KLHDC2: variants seen among roughly 807,000 people sequenced by gnomAD.
KLHDC2 encodes the protein kelch domain containing 2, also known as kelch domain-containing protein 2.
KLHDC2 carries 38 observed loss-of-function variants against 62.3 expected under a neutral mutation model. That is an observed-to-expected ratio of 0.61 (90% confidence interval 0.47 to 0.80). KLHDC2 has a LOEUF of 0.80. Among genes scored for constraint, KLHDC2 ranks in the 30% least tolerant of loss-of-function variants. The pLI is 0.00. For missense variants in KLHDC2, 430 were observed against 495.3 expected, an observed-to-expected ratio of 0.87 and a Z score of 1.25; for synonymous variants, 159 against 161.0, an observed-to-expected ratio of 0.99 and a Z score of 0.09.
At chr14:49,777,977 T>A (rs1238735442) in intron 4 of KLHDC2, 23 bp downstream of exon 4, 1 of 1,467,176 alleles carries the variant, frequency 6.8e-7, no homozygotes, top group Non-Finnish European at 9.5e-7. Flanking sequence ...CACTACAGGT[T>A]TGGGTTTTTA....
At chr14:49,780,806 G>A (rs1419090692) in intron 10 of KLHDC2, 31 bp downstream of exon 10, 1 of 1,129,700 alleles carries the variant, frequency 8.9e-7, no homozygotes, top group Admixed American at 1.7e-5. Context: ...TACTGAATAT[G>A]CATAAGACAT....
At chr14:49,778,556 T>TGGGGGGGGGGGGGGG in intron 6 of KLHDC2, 62 bp downstream of exon 6, 1 of 427,090 alleles carries the variant, frequency 2.3e-6, no homozygotes, top group South Asian at 3.4e-5. Context: ...AGGGGTGGGG[T>TGGGGGGGGGGGGGGG]AGGGGAGAGG....
At position 49,779,764 on chromosome 14, in the gene KLHDC2, A is replaced by T; in HGVS notation, c.731A>T (p.Asp244Val). ...GGRYRDARMNDLHYLNLDTWE... is the reference protein window; with the variant it reads ...GGRYRDARMNVLHYLNLDTWE... ...CTTTTTTAGGATGCTAGAATGAATGATCTTCACTATCTTAATCTGGATACA... is the reference window on the plus strand; with the variant it reads ...CTTTTTTAGGATGCTAGAATGAATGTTCTTCACTATCTTAATCTGGATACA... The change falls in exon 8 of 13, where the codon GAT becomes GTT. Residue 244 changes from aspartate to valine, a missense_variant. Physicochemically the swap from Asp to Val is radical, Grantham distance 152. Transcript: ENST00000298307. The T allele has an allele frequency of 6.2e-7, 1 of 1,609,094 alleles. No homozygotes were observed. Among genetic ancestry groups the T allele is most frequent in the South Asian group, 1.1e-5 (1 of 90,962 alleles).
rs1236100408 is a variant in KLHDC2, at chr14:49,782,443, G to C, written c.1030G>C (p.Val344Leu). 6.2e-7 allele frequency: 1 copy of C among 1,611,822 alleles called. No homozygotes were observed. The highest frequency in any genetic ancestry group is 1.1e-5 in the South Asian group (1 of 90,994). Residue 344 changes from valine (V) to leucine (L), a missense_variant, in exon 11 of 13, where the codon GTC (valine) becomes CTC (leucine). Val to Leu is a conservative substitution (Grantham distance 32, BLOSUM62 1). Transcript: ENST00000298307. ...VFGGCANNLLVHHRAAHSNEI... is the reference protein window; with the variant it reads ...VFGGCANNLLLHHRAAHSNEI... ...TGGTGGATGTGCCAACAACTTGCTTGTCCATCACAGAGCTGTAAGTATACT... is the reference window on the plus strand; with the variant it reads ...TGGTGGATGTGCCAACAACTTGCTTCTCCATCACAGAGCTGTAAGTATACT...
chr14:49,782,489 AC>A, intron 11 of KLHDC2, 32 bp downstream of exon 11: 1 of 1,597,732 alleles, frequency 6.3e-7, no homozygotes, highest in East Asian at 2.2e-5. Flanking sequence ...TATTACTGAA[AC>A]TTACTTGCAA....
Position 49,786,370 on chromosome 14 carries a change from T to C in KLHDC2, c.*3417T>C. On this transcript the variant is annotated 3_prime_UTR_variant, in exon 13 of 13. Coordinates refer to ENST00000298307, the MANE Select transcript of KLHDC2 (RefSeq NM_014315.3). Reference sequence around the variant, plus strand: ...ATTTATTTTACAATATGAATAAACTTAGATTTAGGACAGAATGCTTGGTGC... The same window carrying C: ...ATTTATTTTACAATATGAATAAACTCAGATTTAGGACAGAATGCTTGGTGC... The C allele has an allele frequency of 5.0e-6, 1 of 199,962 alleles. No individual in the cohort carries two copies. Among genetic ancestry groups the C allele is most frequent in the Non-Finnish European group, 1.0e-5 (1 of 98,790 alleles). The allele number at this position is 199,962 out of a possible 1,614,324, so 12.4% of individuals were successfully genotyped here.
intron 10 of KLHDC2, among the ~76,000 whole-genome samples, chr14:49,781,014 C>G (rs1458104890): frequency 6.6e-6 from 1 of 152,176 alleles, no homozygotes; most frequent in African/African-American, 2.4e-5. Context: ...ATAAAATTGA[C>G]ACATAGTTAA....
In KLHDC2 at chr14:49,785,436, A is replaced by T. The variant is rs1185415456; in HGVS notation, c.*2483A>T. ...TTTATCTTTTCCTGATATACATACCATCTAAGCTGGAACAGTGGTACTTAA... is the reference window on the plus strand; with the variant it reads ...TTTATCTTTTCCTGATATACATACCTTCTAAGCTGGAACAGTGGTACTTAA... On this transcript the variant is annotated 3_prime_UTR_variant, in exon 13 of 13. Coordinates refer to ENST00000298307, the MANE Select transcript of KLHDC2 (RefSeq NM_014315.3). The T allele has an allele frequency of 2.8e-6, 2 of 703,004 alleles. No homozygotes were observed. The highest frequency in any genetic ancestry group is 5.1e-6 in the Non-Finnish European group (2 of 392,362). The allele number at this position is 703,004 out of a possible 1,614,324, so 43.5% of individuals were successfully genotyped here. A position where few individuals can be genotyped will look rare whatever the true frequency, so the allele number is the denominator to read the frequency against.
At chr14:49,779,348 T>A (rs1206901531) in intron 6 of KLHDC2, among the ~76,000 whole-genome samples, 1 of 152,212 alleles carries the variant, frequency 6.6e-6, no homozygotes, top group Non-Finnish European at 1.5e-5. Flanking sequence ...CAGCCTTTAT[T>A]TTAAAAGAGA....
chr14:49,780,991 T>C (rs1889886133), intron 10 of KLHDC2, among the ~76,000 whole-genome samples: 1 of 152,246 alleles, frequency 6.6e-6, no homozygotes, highest in African/African-American at 2.4e-5. Flanking sequence ...TATTTTTGCT[T>C]CTTCCTTCTG....
At position 49,784,592 on chromosome 14, in the gene KLHDC2, C is replaced by T; in HGVS notation, c.*1639C>T. The T allele has an allele frequency of 1.5e-6, 2 of 1,351,764 alleles. No individual in the cohort carries two copies. Among genetic ancestry groups the T allele is most frequent in the African/African-American group, 1.4e-5 (1 of 69,430 alleles). 83.7% of individuals were successfully genotyped at this position (1,351,764 alleles called of 1,614,324 possible). ...CTTTCATCTTTGAACTTCCAAAAGG[C>T]TATAAAATTGGCTCTTCTCAAATAT... On this transcript the variant is annotated 3_prime_UTR_variant, in exon 13 of 13. Transcript: ENST00000298307.
In KLHDC2 at chr14:49,769,882, C is replaced by T. The variant is rs533720139; in HGVS notation, c.153+1261C>T. On this transcript the variant is annotated intron_variant, in intron 1 of 12. Coordinates refer to ENST00000298307, the MANE Select transcript of KLHDC2 (RefSeq NM_014315.3). ...ACTTGAACCAGGGAGGCGGAGTTTG[C>T]AGTGAGCTGAGACGGCGCCATTGCA... 2.0e-5 allele frequency among the ~76,000 whole-genome samples: 3 copies of T among 146,808 alleles called. No individual in the cohort carries two copies. In the East Asian group the frequency reaches 6.1e-4, roughly 30 times the overall value.
chr14:49,777,790 G>GA (rs770297474), intron 3 of KLHDC2, 49 bp from the exon 4 acceptor site: 13 of 974,656 alleles, frequency 1.3e-5, no homozygotes, highest in Non-Finnish European at 2.0e-5. Flanking sequence ...TGCTAAACTT[G>GA]AATTTCTTTC....
intron 3 of KLHDC2, among the ~76,000 whole-genome samples, chr14:49,775,615 CTTTTTTTTT>C (rs10584257): frequency 1.1e-5 from 1 of 87,834 alleles, no homozygotes; most frequent in African/African-American, 4.6e-5. Flanking sequence ...AAGCAAATGT[CTTTTTTTTT>C]TTTTTTTTTT....
At chr14:49,780,857 T>C (rs1182177504) in intron 10 of KLHDC2, 82 bp downstream of exon 10, 3 of 793,164 alleles carry the variant, frequency 3.8e-6, no homozygotes, top group African/African-American at 1.7e-5. Flanking sequence ...AGCATTCTTA[T>C]TTATAAAAAT....
chr14:49,777,095 C>T (rs1332232319), intron 3 of KLHDC2, among the ~76,000 whole-genome samples: 1 of 152,074 alleles, frequency 6.6e-6, no homozygotes, highest in Non-Finnish European at 1.5e-5. Context: ...ATGGCATTTG[C>T]AGCAACCTGG....
At chr14:49,773,247 A>G (rs1889699893) in intron 2 of KLHDC2, among the ~76,000 whole-genome samples, 1 of 150,810 alleles carries the variant, frequency 6.6e-6, no homozygotes, top group African/African-American at 2.4e-5. Context: ...CCCTGTCTCT[A>G]CTAAAAAATA....
At chr14:49,778,585 G>A (rs1889821059) in intron 6 of KLHDC2, 91 bp downstream of exon 6, 1 of 644,034 alleles carries the variant, frequency 1.6e-6, no homozygotes, top group African/African-American at 1.8e-5. Flanking sequence ...AGAGTTGGAA[G>A]ATACTGTGAA....
chr14:49,771,252 G>A (rs1162818978), intron 1 of KLHDC2, among the ~76,000 whole-genome samples: 1 of 152,042 alleles, frequency 6.6e-6, no homozygotes, highest in East Asian at 1.9e-4. Flanking sequence ...AGGAGGCTGA[G>A]GCAGGAGAAT....
Sources: gnomAD v4.1 joint callset for allele counts (sites outside exome capture counted in the v4.1 genomes callset) on GRCh38, gnomAD v4.1.1 for gene constraint, MANE v1.5 for transcripts, NCBI Gene and HGNC (gene_info 2026-07-23, HGNC 2026-07-21) for gene names.